The following ARFGAP3 variants were observed in gnomAD, a reference collection of about 807,000 sequenced individuals.
The protein encoded by ARFGAP3 is ARF GTPase activating protein 3, also known as ADP-ribosylation factor GTPase-activating protein 3.
ARFGAP3 carries 72 observed loss-of-function variants against 75.0 expected under a neutral mutation model. The ratio of observed to expected loss-of-function variants is 0.96; its 90% CI spans 0.79 to 1.17. The LOEUF (loss-of-function observed/expected upper bound fraction) is 1.17. ARFGAP3 is among the 50% of genes most tolerant of loss of function. The pLI is 0.00. For synonymous variants in ARFGAP3, 221 were observed against 217.9 expected (o/e 1.01, Z -0.13); for missense variants, 620 against 626.6 (o/e 0.99, Z 0.11).
chr22:42,812,042 CAAAT>C lies in ARFGAP3; in HGVS notation c.1065-1102_1065-1099del, dbSNP rs985286193. Among the ~76,000 whole-genome samples the C allele has an allele frequency of 2.0e-5, 3 of 151,840 alleles. No homozygotes were observed. The East Asian group carries it at 5.8e-4, about 29-fold the overall frequency. On this transcript the variant is annotated intron_variant, in intron 11 of 15. Coordinates refer to ENST00000263245, the MANE Select transcript of ARFGAP3 (RefSeq NM_014570.5). Reference sequence around the variant, plus strand: ...AAATGCAAAATAAAAAATAAATAAACAAATAAAATAACCGTTTCCTGACCATCTC... The same window carrying C: ...AAATGCAAAATAAAAAATAAATAAACAAAATAACCGTTTCCTGACCATCTC...
At chr22:42,824,843 T>C (rs1925970551) in intron 7 of ARFGAP3, among the ~76,000 whole-genome samples, 1 of 152,104 alleles carries the variant, frequency 6.6e-6, no homozygotes, top group African/African-American at 2.4e-5. Context: ...TTCCCCTCTC[T>C]CCCTCCCTCC....
chr22:42,827,169 A>C, intron 6 of ARFGAP3, 170 bp from the exon 7 acceptor site: 3 of 788,264 alleles, frequency 3.8e-6, no homozygotes, highest in Non-Finnish European at 4.6e-6. Context: ...TTTGACTTAA[A>C]AGTCCATTAA....
chr22:42,833,149 T>C (rs765830185), intron 5 of ARFGAP3, among the ~76,000 whole-genome samples: 5 of 152,312 alleles, frequency 3.3e-5, no homozygotes, highest in Middle Eastern at 6.8e-3. Flanking sequence ...AAGATGAAGA[T>C]AGTGATATTT....
At chr22:42,834,099 T>C (rs1344888183) in intron 5 of ARFGAP3, 143 bp downstream of exon 5, 1 of 758,376 alleles carries the variant, frequency 1.3e-6, no homozygotes, top group East Asian at 2.8e-5. Context: ...GAATTGTTGA[T>C]AATGTCATTT....
intron 1 of ARFGAP3, among the ~76,000 whole-genome samples, chr22:42,854,018 T>C (rs959674665): frequency 4.6e-5 from 7 of 152,220 alleles, no homozygotes; most frequent in Non-Finnish European, 1.0e-4. Context: ...TGCTTAGTAA[T>C]TCCTTAGTGG....
intron 11 of ARFGAP3, among the ~76,000 whole-genome samples, chr22:42,813,174 A>G (rs955663091): frequency 6.6e-6 from 1 of 152,216 alleles, no homozygotes; most frequent in Non-Finnish European, 1.5e-5. Context: ...GGGGAAGACA[A>G]AGGGCAAGAA....
At chr22:42,817,442 G>T (rs1925627290) in intron 10 of ARFGAP3, 178 bp from the exon 11 acceptor site, 1 of 452,192 alleles carries the variant, frequency 2.2e-6, no homozygotes, top group Non-Finnish European at 2.9e-6. Context: ...AAAATTTTGT[G>T]AGGACTGTGT....
intron 7 of ARFGAP3, among the ~76,000 whole-genome samples, chr22:42,824,170 ATTTTTTTTTTTTTT>A (rs57620930): frequency 3.3e-5 from 2 of 59,832 alleles, no homozygotes; most frequent in South Asian, 7.0e-4. Flanking sequence ...ACATCTGGCT[ATTTTTTTTTTTTTT>A]TTTTTTTTTT....
chr22:42,822,721 T>C (rs1925866042), intron 8 of ARFGAP3, among the ~76,000 whole-genome samples: 1 of 152,232 alleles, frequency 6.6e-6, no homozygotes, highest in African/African-American at 2.4e-5. Context: ...GATTACTTAT[T>C]ATGCCTAAAT....
chr22:42,804,538 C>T (rs1431889912), intron 14 of ARFGAP3, among the ~76,000 whole-genome samples: 2 of 152,212 alleles, frequency 1.3e-5, no homozygotes, highest in African/African-American at 2.4e-5. Context: ...CATGCCACCA[C>T]GCCAAGCTAG....
In ARFGAP3 at chr22:42,797,376, C is replaced by A; in HGVS notation, c.*212G>T. The A allele has an allele frequency of 1.6e-6, 1 of 626,536 alleles. No individual in the cohort carries two copies. The highest frequency in any genetic ancestry group is 2.8e-6 in the Non-Finnish European group (1 of 362,690). 38.8% of individuals were successfully genotyped at this position (626,536 alleles called of 1,614,324 possible). ...ACAGAGACGCCAAAGGAGGGTGTGA[C>A]AGGAAGGAACGTGAAACAGAAATCA... On this transcript the variant is annotated 3_prime_UTR_variant, in exon 16 of 16. Transcript: ENST00000263245.
In ARFGAP3 at chr22:42,822,293, C is replaced by T. The variant is rs1925846438; in HGVS notation, c.789G>A (p.Lys263=). 6.2e-7 allele frequency: 1 copy of T among 1,613,844 alleles called. No homozygotes were observed. Among genetic ancestry groups the T allele is most frequent in the African/African-American group, 1.3e-5 (1 of 74,860 alleles). Residue 263 remains lysine (K), a synonymous_variant, in exon 9 of 16, where the codon AAG becomes AAA. Transcript: ENST00000263245. ...DKMKEQEDLA[K]VVSKEESIVS... Reference sequence around the variant, plus strand: ...ACATTGATTCTTCTTTAGATACCACCTTGGCCAGGTCTTCCTGCTCCTTCA... The same window carrying T: ...ACATTGATTCTTCTTTAGATACCACTTTGGCCAGGTCTTCCTGCTCCTTCA...
intron 12 of ARFGAP3, among the ~76,000 whole-genome samples, chr22:42,809,786 G>A (rs1250454962): frequency 6.6e-6 from 1 of 151,690 alleles, no homozygotes; most frequent in African/African-American, 2.4e-5. Flanking sequence ...GGTGGATCAT[G>A]AGGTCAGGAG....
At chr22:42,845,362 T>TA (rs2146581217) in intron 2 of ARFGAP3, among the ~76,000 whole-genome samples, 1 of 151,944 alleles carries the variant, frequency 6.6e-6, no homozygotes, top group South Asian at 2.1e-4. Context: ...CTGTCTCTAC[T>TA]AAAAGTACAA....
chr22:42,846,727 G>T (rs957213391), intron 2 of ARFGAP3, among the ~76,000 whole-genome samples: 11 of 152,202 alleles, frequency 7.2e-5, no homozygotes, highest in African/African-American at 2.7e-4. Context: ...TCTCATCATT[G>T]ACATAAACTC....
chr22:42,810,035 A>T (rs1025517556), intron 12 of ARFGAP3, among the ~76,000 whole-genome samples: 4 of 151,332 alleles, frequency 2.6e-5, no homozygotes, highest in African/African-American at 9.7e-5. Context: ...AAAATTGGGG[A>T]AAAAGGTGAA....
intron 3 of ARFGAP3, among the ~76,000 whole-genome samples, chr22:42,836,096 C>T (rs1222357940): frequency 6.6e-6 from 1 of 151,298 alleles, no homozygotes; most frequent in Non-Finnish European, 1.5e-5. Flanking sequence ...GATCCCACCA[C>T]CTCAGCCTCC....
At position 42,817,231 on chromosome 22, in the gene ARFGAP3, C is replaced by T. The variant is rs1447711836; in HGVS notation, c.975G>A (p.Gln325=). The change falls in exon 11 of 16, where the codon CAG becomes CAA. Residue 325 remains glutamine (Q), a synonymous_variant. Coordinates refer to ENST00000263245, the MANE Select transcript of ARFGAP3 (RefSeq NM_014570.5). ...TAATGGGTGATTCCTGCTCTATGGTCTGCATATCTGAAGTCACTGAATGTG... is the reference window on the plus strand; with the variant it reads ...TAATGGGTGATTCCTGCTCTATGGTTTGCATATCTGAAGTCACTGAATGTG... ...VISHSVTSDM[Q]TIEQESPIMA... is the part of the protein sequence containing the mutation. 1.2e-6 allele frequency: 2 copies of T among 1,612,746 alleles called. No homozygotes were observed. Among genetic ancestry groups the T allele is most frequent in the Middle Eastern group, 1.6e-4 (1 of 6,078 alleles).
Position 42,817,190 on chromosome 22 carries a change from T to G in ARFGAP3, c.1016A>C (p.Lys339Thr), listed in dbSNP as rs765918298. Reference protein sequence around the residue: ...QESPIMAKPRKKYNDDSDDSY... With the variant: ...QESPIMAKPRTKYNDDSDDSY... ...ATCGTCACTGTCATCATTATACTTT[T>G]TTCTTGGTTTTGCCATAATGGGTGA... The change falls in exon 11 of 16, where the codon AAA becomes ACA. Residue 339 changes from lysine to threonine, a missense_variant. By Grantham distance (78) the Lys-to-Thr change is moderately conservative (BLOSUM62 -1). Coordinates refer to ENST00000263245, the MANE Select transcript of ARFGAP3 (RefSeq NM_014570.5). 1 of 1,613,786 alleles carries G rather than the reference T, an allele frequency of 6.2e-7. No homozygotes were observed. Among genetic ancestry groups the G allele is most frequent in the African/African-American group, 1.3e-5 (1 of 75,036 alleles).
Sources: gnomAD v4.1 joint callset for allele counts (sites outside exome capture counted in the v4.1 genomes callset) on GRCh38, gnomAD v4.1.1 for gene constraint, MANE v1.5 for transcripts, NCBI Gene and HGNC (gene_info 2026-07-23, HGNC 2026-07-21) for gene names.